Variants in GARRE1 observed in about 807,000 individuals in gnomAD.
GARRE1 encodes granule associated Rac and RHOG effector protein 1.
A neutral mutation model predicts 103.2 loss-of-function variants in GARRE1; 49 were observed. The ratio of observed to expected loss-of-function variants is 0.47; its 90% CI spans 0.38 to 0.60. The LOEUF is 0.60. Among genes scored for constraint, GARRE1 ranks in the 20% least tolerant of loss-of-function variants. The pLI is 0.00. For synonymous variants in GARRE1, 505 were observed against 532.8 expected (o/e 0.95, Z 0.72); for missense variants, 1,199 against 1,370.5 (o/e 0.87, Z 1.98).
chr19:34,292,891 G>T (rs2073926051), intron 1 of GARRE1, among the ~76,000 whole-genome samples: 1 of 151,956 alleles, frequency 6.6e-6, no homozygotes, highest in Admixed American at 6.6e-5. Flanking sequence ...GTATTTTTTA[G>T]TAGAAACAGG....
At chr19:34,256,388 C>T (rs995101234) in intron 1 of GARRE1, among the ~76,000 whole-genome samples, 5 of 151,710 alleles carry the variant, frequency 3.3e-5, no homozygotes, top group African/African-American at 4.8e-5. Flanking sequence ...AGCATGGTGG[C>T]GCGCTCCTGT....
At chr19:34,257,134 G>A (rs2073678222) in intron 1 of GARRE1, among the ~76,000 whole-genome samples, 1 of 149,016 alleles carries the variant, frequency 6.7e-6, no homozygotes, top group African/African-American at 2.5e-5. Flanking sequence ...ATCTCCAGAT[G>A]TTTGGAAGAC....
intron 1 of GARRE1, among the ~76,000 whole-genome samples, chr19:34,292,742 ATTT>A (rs35405834): frequency 5.5e-5 from 8 of 144,380 alleles, no homozygotes; most frequent in South Asian, 2.2e-4. Context: ...ACCCAGCTAA[ATTT>A]TTTTTTTTTT....
intron 1 of GARRE1, among the ~76,000 whole-genome samples, chr19:34,271,691 C>G (rs2145958301): frequency 6.6e-6 from 1 of 152,158 alleles, no homozygotes; most frequent in South Asian, 2.1e-4. Flanking sequence ...GAGACCCCAT[C>G]TCTACAAAAA....
chr19:34,268,668 T>C (rs2073767253), intron 1 of GARRE1, among the ~76,000 whole-genome samples: 1 of 152,066 alleles, frequency 6.6e-6, no homozygotes, highest in Admixed American at 6.6e-5. Flanking sequence ...TTTTTCTTTG[T>C]ATGAAATTGA....
intron 1 of GARRE1, among the ~76,000 whole-genome samples, chr19:34,273,364 G>A (rs528603934): frequency 6.6e-6 from 1 of 152,218 alleles, no homozygotes; most frequent in Non-Finnish European, 1.5e-5. Context: ...ATTTCTTTGG[G>A]GAGTACTTAT....
At chr19:34,290,079 G>T (rs1390044731) in intron 1 of GARRE1, among the ~76,000 whole-genome samples, 1 of 152,094 alleles carries the variant, frequency 6.6e-6, no homozygotes, top group Non-Finnish European at 1.5e-5. Context: ...TGTAAGGACC[G>T]GGCGCAGTGG....
intron 1 of GARRE1, among the ~76,000 whole-genome samples, chr19:34,274,417 A>C (rs1254855745): frequency 6.6e-6 from 1 of 152,262 alleles, no homozygotes; most frequent in African/African-American, 2.4e-5. Context: ...AGAAGGCAGG[A>C]AGGATAAGAC....
intron 1 of GARRE1, among the ~76,000 whole-genome samples, chr19:34,292,969 A>C (rs1267947708): frequency 1.3e-5 from 2 of 152,116 alleles, no homozygotes; most frequent in Admixed American, 6.6e-5. Flanking sequence ...TCTGCCTCCC[A>C]AAGTGCTGGG....
chr19:34,351,725 C>A, intron 13 of GARRE1, 133 bp downstream of exon 13: 1 of 671,846 alleles, frequency 1.5e-6, no homozygotes, highest in Non-Finnish European at 2.7e-6. Flanking sequence ...CCTCAGCTGA[C>A]TCAGAGCCAC....
rs200110671 is a variant in GARRE1, at chr19:34,260,522, A to T, written c.-796+5908A>T. Reference sequence around the variant, plus strand: ...TCTATGACAAGGATTTGGTAATATCATTTTTTTATTTTTATTTTATTATTA... The same window carrying T: ...TCTATGACAAGGATTTGGTAATATCTTTTTTTTATTTTTATTTTATTATTA... On this transcript the variant is annotated intron_variant, in intron 1 of 13. Transcript: ENST00000299505. Among the ~76,000 whole-genome samples, 3 of 115,464 alleles carry T rather than the reference A, an allele frequency of 2.6e-5. No individual in the cohort carries two copies. In the East Asian group the frequency reaches 9.3e-4, roughly 36 times the overall value. 75.7% of individuals were successfully genotyped at this position (115,464 alleles called of 152,430 possible). A position where few individuals can be genotyped will look rare whatever the true frequency, so the allele number is the denominator to read the frequency against.
intron 13 of GARRE1, 44 bp from the exon 14 acceptor site, chr19:34,352,603 T>A: frequency 6.6e-7 from 1 of 1,515,474 alleles, no homozygotes; most frequent in Non-Finnish European, 9.1e-7. Context: ...GAAATGATGA[T>A]ACATTGCCCG....
At chr19:34,332,360 C>T (rs1409052546) in intron 7 of GARRE1, among the ~76,000 whole-genome samples, 2 of 151,936 alleles carry the variant, frequency 1.3e-5, no homozygotes, top group Non-Finnish European at 2.9e-5. Context: ...TTAGCTGAAA[C>T]TGCAAGGACC....
At chr19:34,333,673 A>G (rs779005110) in intron 7 of GARRE1, 31 bp from the exon 8 acceptor site, 3 of 836,898 alleles carry the variant, frequency 3.6e-6, no homozygotes, top group Non-Finnish European at 3.5e-6. Flanking sequence ...GCTGGTTGTT[A>G]TTTGTTTTTT....
intron 7 of GARRE1, among the ~76,000 whole-genome samples, chr19:34,330,821 G>A (rs953689381): frequency 1.4e-5 from 2 of 141,796 alleles, no homozygotes; most frequent in Admixed American, 7.6e-5. Context: ...TCAACTCGCC[G>A]CCTTCTGGGC....
At chr19:34,337,839 C>T (rs1448533165) in intron 8 of GARRE1, among the ~76,000 whole-genome samples, 1 of 152,184 alleles carries the variant, frequency 6.6e-6, no homozygotes, top group African/African-American at 2.4e-5. Context: ...CAAATGCTCT[C>T]CTAGTGGGCA....
chr19:34,279,761 G>A (rs1040566175), intron 1 of GARRE1, among the ~76,000 whole-genome samples: 16 of 151,934 alleles, frequency 1.1e-4, no homozygotes, highest in African/African-American at 3.4e-4. Context: ...CGAGGCGGGC[G>A]GATCACGAGG....
chr19:34,293,870 T>C (rs1428255925), intron 1 of GARRE1, among the ~76,000 whole-genome samples: 5 of 143,830 alleles, frequency 3.5e-5, no homozygotes, highest in Non-Finnish European at 7.6e-5. Context: ...GTGATTCTCC[T>C]GCCTCAGCCT....
At chr19:34,318,109 G>T (rs1049431132) in intron 2 of GARRE1, among the ~76,000 whole-genome samples, 1 of 152,178 alleles carries the variant, frequency 6.6e-6, no homozygotes, top group Non-Finnish European at 1.5e-5. Flanking sequence ...CTTTAGTTTG[G>T]TCCTGGTGAT....
Sources: gnomAD v4.1 joint callset for allele counts (sites outside exome capture counted in the v4.1 genomes callset) on GRCh38, gnomAD v4.1.1 for gene constraint, MANE v1.5 for transcripts, NCBI Gene and HGNC (gene_info 2026-07-23, HGNC 2026-07-21) for gene names.